TANC2: variants seen among roughly 807,000 people sequenced by gnomAD.
TANC2 encodes tetratricopeptide repeat, ankyrin repeat and coiled-coil containing 2.
TANC2 carries 26 observed loss-of-function variants against 210.5 expected under a neutral mutation model. That is an observed-to-expected ratio of 0.12 (90% confidence interval 0.09 to 0.17). TANC2 has a LOEUF of 0.17. TANC2 is among the 10% of genes least tolerant of loss of function. The probability of loss-of-function intolerance (pLI) is 1.00; values close to 1 mark genes in which losing one functional copy is unlikely to be tolerated. For synonymous variants in TANC2, 931 were observed against 967.1 expected (o/e 0.96, Z 0.69); for missense variants, 2,129 against 2,608.9 (o/e 0.82, Z 4.01).
At position 63,145,866 on chromosome 17, in the gene TANC2, T is replaced by C. The variant is rs1373398570; in HGVS notation, c.323-5404T>C. 3.9e-5 allele frequency among the ~76,000 whole-genome samples: 6 copies of C among 152,122 alleles called. No individual in the cohort carries two copies. The East Asian group carries it at 1.2e-3, about 29-fold the overall frequency. On this transcript the variant is annotated intron_variant, in intron 4 of 27. Transcript: ENST00000689528. The stretch of plus-strand genomic sequence containing the variant: ...AGTTTATTATTTTTTTCAAGATTGT[T>C]TTGACTATTTAGGTTCCCTTGAGAT...
chr17:63,279,166 G>T (rs367978578), intron 9 of TANC2, among the ~76,000 whole-genome samples: 1 of 152,160 alleles, frequency 6.6e-6, no homozygotes, highest in East Asian at 1.9e-4. Flanking sequence ...TGAAGGTGAG[G>T]GGAAGTCCAT....
intron 14 of TANC2, among the ~76,000 whole-genome samples, chr17:63,361,169 G>A (rs2046946441): frequency 6.6e-6 from 1 of 152,194 alleles, no homozygotes; most frequent in Admixed American, 6.5e-5. Context: ...ATAGGACTGG[G>A]ATTGCTGGAT....
intron 3 of TANC2, among the ~76,000 whole-genome samples, chr17:63,094,791 G>GTC (rs2037327107): frequency 6.6e-6 from 1 of 152,140 alleles, no homozygotes; most frequent in South Asian, 2.1e-4. Context: ...ACTTCTGAAT[G>GTC]TCTAGTCACC....
chr17:63,034,198 G>A (rs1266043683), intron 2 of TANC2, among the ~76,000 whole-genome samples: 1 of 152,162 alleles, frequency 6.6e-6, no homozygotes, highest in Non-Finnish European at 1.5e-5. Context: ...TCTCTTGTTA[G>A]GGGCTAATGC....
intron 9 of TANC2, among the ~76,000 whole-genome samples, chr17:63,313,754 A>T (rs1310039541): frequency 1.3e-5 from 2 of 152,190 alleles, no homozygotes; most frequent in Non-Finnish European, 2.9e-5. Context: ...CTAGATTTTA[A>T]AAAATACTAG....
intron 2 of TANC2, among the ~76,000 whole-genome samples, chr17:63,042,125 T>C (rs2144271927): frequency 6.6e-6 from 1 of 152,186 alleles, no homozygotes; most frequent in East Asian, 1.9e-4. Context: ...TCTGTGCGTT[T>C]ACAGAAAATA....
At chr17:63,109,910 C>T (rs2037969273) in intron 4 of TANC2, among the ~76,000 whole-genome samples, 1 of 151,676 alleles carries the variant, frequency 6.6e-6, no homozygotes, top group Non-Finnish European at 1.5e-5. Flanking sequence ...TCTTCTTTCA[C>T]GTGGCAGTCT....
intron 4 of TANC2, among the ~76,000 whole-genome samples, chr17:63,124,679 G>A (rs2038636505): frequency 6.6e-6 from 1 of 152,176 alleles, no homozygotes; most frequent in Non-Finnish European, 1.5e-5. Context: ...TCAGGCTGCA[G>A]ACTAGTACCA....
intron 2 of TANC2, among the ~76,000 whole-genome samples, chr17:63,015,017 T>G (rs992933436): frequency 6.6e-6 from 1 of 152,106 alleles, no homozygotes; most frequent in Admixed American, 6.5e-5. Flanking sequence ...ATTAGTGTTT[T>G]TATTATTACA....
At chr17:63,279,807 C>G (rs2044005885) in intron 9 of TANC2, among the ~76,000 whole-genome samples, 1 of 151,966 alleles carries the variant, frequency 6.6e-6, no homozygotes, top group East Asian at 1.9e-4. Context: ...AACTTTTATT[C>G]CCCTATGTCT....
chr17:62,998,737 A>G (rs976643468), intron 1 of TANC2, among the ~76,000 whole-genome samples: 4 of 152,216 alleles, frequency 2.6e-5, no homozygotes, highest in Non-Finnish European at 5.9e-5. Context: ...CTGCCTTACA[A>G]GAGGTCCTCA....
intron 8 of TANC2, among the ~76,000 whole-genome samples, chr17:63,266,968 G>A (rs1272698869): frequency 6.6e-6 from 1 of 152,008 alleles, no homozygotes; most frequent in African/African-American, 2.4e-5. Flanking sequence ...TCCCATCTGA[G>A]CCTCCTGAGT....
chr17:63,070,286 G>A (rs1228412894), intron 2 of TANC2, among the ~76,000 whole-genome samples: 1 of 152,082 alleles, frequency 6.6e-6, no homozygotes, highest in Non-Finnish European at 1.5e-5. Flanking sequence ...AGCCTTTCTT[G>A]GGCACAGAGA....
chr17:63,115,726 A>G (rs1000192218), intron 4 of TANC2, among the ~76,000 whole-genome samples: 1 of 152,172 alleles, frequency 6.6e-6, no homozygotes, highest in African/African-American at 2.4e-5. Context: ...AAAAGATAAT[A>G]TAGATGTTTA....
At chr17:63,280,571 A>C (rs2044030225) in intron 9 of TANC2, among the ~76,000 whole-genome samples, 1 of 152,118 alleles carries the variant, frequency 6.6e-6, no homozygotes, top group East Asian at 1.9e-4. Context: ...TTACTAAGAT[A>C]TGATGAAAAT....
chr17:63,410,305 G>A (rs1367198144), intron 21 of TANC2, among the ~76,000 whole-genome samples: 1 of 150,768 alleles, frequency 6.6e-6, no homozygotes, highest in Non-Finnish European at 1.5e-5. Flanking sequence ...CTTTCTAAGT[G>A]AATTTTGTGT....
intron 9 of TANC2, among the ~76,000 whole-genome samples, chr17:63,288,440 G>A (rs2146399695): frequency 6.6e-6 from 1 of 152,316 alleles, no homozygotes. Context: ...GGTTCAGAAT[G>A]TGGTCTGGTT....
chr17:63,265,685 A>G (rs1372576192), intron 8 of TANC2, among the ~76,000 whole-genome samples: 2 of 152,176 alleles, frequency 1.3e-5, no homozygotes, highest in African/African-American at 2.4e-5. Flanking sequence ...GGGAGAGGCC[A>G]AAAATTACCC....
chr17:63,275,666 C>G (rs752584725), intron 9 of TANC2, among the ~76,000 whole-genome samples: 5 of 152,094 alleles, frequency 3.3e-5, no homozygotes, highest in Non-Finnish European at 5.9e-5. Flanking sequence ...ATTATTTCAT[C>G]CCTACAAGTA....
Sources: gnomAD v4.1 joint callset for allele counts (sites outside exome capture counted in the v4.1 genomes callset) on GRCh38, gnomAD v4.1.1 for gene constraint, MANE v1.5 for transcripts, NCBI Gene and HGNC (gene_info 2026-07-23, HGNC 2026-07-21) for gene names.